GSE1: variants seen among roughly 807,000 people sequenced by gnomAD.
GSE1 encodes Gse1 coiled-coil protein.
In GSE1, 32 loss-of-function variants were observed where a neutral mutation model predicts 112.6. The ratio of observed to expected loss-of-function variants is 0.28; its 90% CI spans 0.21 to 0.38. The LOEUF (loss-of-function observed/expected upper bound fraction) is 0.38, where lower values mean the gene tolerates loss of function less well. Ranked by LOEUF, GSE1 falls within the 10% of genes least tolerant of loss-of-function variation. The pLI, the probability that GSE1 is intolerant of heterozygous loss-of-function variation, is 1.00. For missense variants in GSE1, 2,348 were observed against 1,699.2 expected (o/e 1.38, Z -6.71); for synonymous variants, 1,115 against 735.6 (o/e 1.52, Z -8.35).
chr16:85,478,929 C>T (rs191418404), intron 2 of GSE1, among the ~76,000 whole-genome samples: 804 of 12,358 alleles, frequency 0.065, 14 homozygotes, highest in Middle Eastern at 0.12. Flanking sequence ...CTTTCTTTCT[C>T]TTTCTTTCTT....
chr16:85,480,220 G>C (rs1021211970), intron 2 of GSE1, among the ~76,000 whole-genome samples: 1 of 152,260 alleles, frequency 6.6e-6, no homozygotes, highest in Non-Finnish European at 1.5e-5. Context: ...TTTGGCTCCA[G>C]AATCTACAGC....
intron 2 of GSE1, among the ~76,000 whole-genome samples, chr16:85,455,927 G>A (rs1034843100): frequency 1.3e-5 from 2 of 152,214 alleles, no homozygotes; most frequent in Non-Finnish European, 1.5e-5. Context: ...GTCAGGCCCC[G>A]CTTTGTGTGC....
chr16:85,582,872 G>A (rs1247751659), intron 1 of GSE1, among the ~76,000 whole-genome samples: 1 of 152,242 alleles, frequency 6.6e-6, no homozygotes, highest in East Asian at 1.9e-4. Context: ...GGCATTTGCT[G>A]AGCGTAAAAA....
intron 2 of GSE1, among the ~76,000 whole-genome samples, chr16:85,543,198 A>ATG (rs2044582732): frequency 1.3e-5 from 2 of 150,864 alleles, no homozygotes; most frequent in Admixed American, 1.3e-4. Context: ...GCGACAGAGC[A>ATG]AGACTCCATC....
chr16:85,244,762 C>T (rs764124109), intron 1 of GSE1, among the ~76,000 whole-genome samples: 2 of 151,962 alleles, frequency 1.3e-5, no homozygotes, highest in Middle Eastern at 3.4e-3. Context: ...AGGCCGAGGC[C>T]GGTGGATCAC....
intron 2 of GSE1, among the ~76,000 whole-genome samples, chr16:85,507,074 C>T (rs955050987): frequency 4.6e-5 from 7 of 152,272 alleles, no homozygotes; most frequent in East Asian, 1.9e-4. Flanking sequence ...CCGAGCATGT[C>T]GTGGTGACAT....
At chr16:85,258,342 G>A (rs1907300551) in intron 1 of GSE1, among the ~76,000 whole-genome samples, 1 of 152,218 alleles carries the variant, frequency 6.6e-6, no homozygotes, top group Non-Finnish European at 1.5e-5. Flanking sequence ...CATCTGTCCT[G>A]GCTCCGCACC....
intron 2 of GSE1, among the ~76,000 whole-genome samples, chr16:85,384,136 A>G (rs2047630886): frequency 6.6e-6 from 1 of 152,124 alleles, no homozygotes; most frequent in African/African-American, 2.4e-5. Flanking sequence ...CTCCCCTTAC[A>G]GGGGGGCACA....
intron 2 of GSE1, among the ~76,000 whole-genome samples, chr16:85,410,228 A>T (rs1236576160): frequency 1.2e-4 from 1 of 8,590 alleles, no homozygotes; most frequent in South Asian, 7.7e-3. Flanking sequence ...TGTTACACTC[A>T]GGGCCCCCTG....
At chr16:85,550,499 G>A (rs1404904418) in intron 2 of GSE1, among the ~76,000 whole-genome samples, 3 of 152,088 alleles carry the variant, frequency 2.0e-5, no homozygotes, top group East Asian at 3.9e-4. Flanking sequence ...GAGAACAGAC[G>A]GGGCATTCCA....
Position 85,373,478 on chromosome 16 carries a change from C to G in GSE1, c.2464+15835C>G, listed in dbSNP as rs1034468564. Among the ~76,000 whole-genome samples, 4 of 152,150 alleles carry G rather than the reference C, an allele frequency of 2.6e-5. No individual in the cohort carries two copies. Among genetic ancestry groups the G allele is most frequent in the African/African-American group, 9.7e-5 (4 of 41,432 alleles). On this transcript the variant is annotated intron_variant, in intron 2 of 2. Transcript: ENST00000637419. This position sits in a 1 kb window ranked among gnomAD's most constrained non-coding sequence, Gnocchi z 5.1. Reference sequence around the variant, plus strand: ...CCCCCTCCGCTGCTTTCCAGCTCAGCCTGTCTCCCCATTTGTGAAGTAGGG... The same window carrying G: ...CCCCCTCCGCTGCTTTCCAGCTCAGGCTGTCTCCCCATTTGTGAAGTAGGG...
At chr16:85,339,722 T>C (rs141283102) in intron 1 of GSE1, among the ~76,000 whole-genome samples, 32 of 152,276 alleles carry the variant, frequency 2.1e-4, no homozygotes, top group South Asian at 1.5e-3. Context: ...CTTAATCCTT[T>C]GCTGGTGAGA....
intron 1 of GSE1, among the ~76,000 whole-genome samples, chr16:85,215,804 G>T (rs1405447402): frequency 6.6e-6 from 1 of 152,102 alleles, no homozygotes; most frequent in African/African-American, 2.4e-5. Context: ...GGCTTTGGAG[G>T]GCTAGCCTAG....
At chr16:85,584,105 A>G (rs1397255052) in intron 1 of GSE1, among the ~76,000 whole-genome samples, 4 of 152,190 alleles carry the variant, frequency 2.6e-5, no homozygotes. Context: ...CAGGCTCGCC[A>G]GCTGCACAGC....
intron 1 of GSE1, among the ~76,000 whole-genome samples, chr16:85,176,585 C>A (rs2074470180): frequency 6.6e-6 from 1 of 152,260 alleles, no homozygotes; most frequent in Admixed American, 6.5e-5. Flanking sequence ...TCCCTGCAAG[C>A]CAGTTGGCGG....
chr16:85,414,918 G>T (rs2048669635), intron 2 of GSE1, among the ~76,000 whole-genome samples: 1 of 152,202 alleles, frequency 6.6e-6, no homozygotes, highest in Non-Finnish European at 1.5e-5. Flanking sequence ...TCACAGGCAT[G>T]AGCCACCGTG....
chr16:85,501,683 T>C lies in GSE1; in HGVS notation c.2465-132231T>C, dbSNP rs554593740. Among the ~76,000 whole-genome samples the C allele has an allele frequency of 2.0e-5, 3 of 152,362 alleles. No individual in the cohort carries two copies. In the South Asian group the frequency reaches 6.2e-4, roughly 32 times the overall value. On this transcript the variant is annotated intron_variant, in intron 2 of 2. Transcript: ENST00000637419. ...CGCTAGGATTACAGGCGTGAGCCAC[T>C]GTGCCTTGCCAAAACTTCAGCATAT...
chr16:85,199,095 C>G (rs987697411), intron 1 of GSE1, among the ~76,000 whole-genome samples: 10 of 152,110 alleles, frequency 6.6e-5, no homozygotes, highest in African/African-American at 2.4e-4. Context: ...CAGGCATGTG[C>G]TACCATGCCC....
intron 1 of GSE1, among the ~76,000 whole-genome samples, chr16:85,346,070 A>G (rs967664874): frequency 3.0e-5 from 4 of 133,518 alleles, no homozygotes; most frequent in Non-Finnish European, 6.2e-5. Flanking sequence ...AACAATGGAT[A>G]GGTGGATGGA....
Sources: gnomAD v4.1 joint callset for allele counts (sites outside exome capture counted in the v4.1 genomes callset) on GRCh38, gnomAD v4.1.1 for gene constraint, Gnocchi (gnomAD v3.1) non-coding constraint, MANE v1.5 for transcripts, NCBI Gene and HGNC (gene_info 2026-07-23, HGNC 2026-07-21) for gene names.